The following MED17 variants were observed in gnomAD, a reference collection of about 807,000 sequenced individuals.
MED17 encodes mediator complex subunit 17.
A neutral mutation model predicts 80.8 loss-of-function variants in MED17; 49 were observed. The observed-to-expected ratio is 0.61, with a 90% CI of 0.48 to 0.77. MED17 has a LOEUF of 0.77. Ranked by LOEUF, MED17 falls within the 30% of genes least tolerant of loss-of-function variation. MED17 has a pLI of 0.00. For missense variants in MED17, 718 were observed against 787.0 expected, an observed-to-expected ratio of 0.91 and a Z score of 1.05; for synonymous variants, 281 against 280.4, an observed-to-expected ratio of 1.00 and a Z score of -0.02.
Position 93,788,345 on chromosome 11 carries a change from A to AT in MED17, c.417+179dup, listed in dbSNP as rs1191225847. 5.2e-6 allele frequency: 3 copies of AT among 578,380 alleles called. No individual in the cohort carries two copies. In the African/African-American group the frequency reaches 5.6e-5, roughly 11 times the overall value. The allele number at this position is 578,380 out of a possible 1,614,324, so 35.8% of individuals were successfully genotyped here. ...ACTGCATTTCCTTTATTTTTTTATT[A>AT]TATACCTATGATCCTTGGAAGAGTT... On this transcript the variant is annotated intron_variant, in intron 2 of 11. Coordinates refer to ENST00000251871, the MANE Select transcript of MED17 (RefSeq NM_004268.5).
At position 93,784,711 on chromosome 11, in the gene MED17, C is replaced by A. The variant is rs767685559; in HGVS notation, c.198C>A (p.Asp66Glu). ...AGGAGGCGGCGGGGACCGAGGGCGA[C>A]GCGCAGGAGTGGCCGGGCGCCGGGT... ...EEEEAAGTEG[D>E]AQEWPGAGSS... The change falls in exon 1 of 12, where the codon GAC becomes GAA. Residue 66 changes from aspartate (D) to glutamate (E), a missense_variant. Physicochemically the swap from Asp to Glu is conservative, Grantham distance 45. Coordinates refer to ENST00000251871, the MANE Select transcript of MED17 (RefSeq NM_004268.5). 6 of 1,548,338 alleles carry A rather than the reference C, an allele frequency of 3.9e-6. No individual in the cohort carries two copies. The highest frequency in any genetic ancestry group is 5.2e-6 in the Non-Finnish European group (6 of 1,148,928).
chr11:93,790,474 T>C (rs1943823082), intron 2 of MED17, 100 bp from the exon 3 acceptor site: 4 of 1,017,756 alleles, frequency 3.9e-6, no homozygotes, highest in Non-Finnish European at 6.1e-6. Flanking sequence ...TGCCCCTCCT[T>C]TTTGCTTTTT....
Position 93,812,578 on chromosome 11 carries a change from A to C in MED17, c.*514A>C, listed in dbSNP as rs1244008696. On this transcript the variant is annotated 3_prime_UTR_variant, in exon 12 of 12. Coordinates refer to ENST00000251871, the MANE Select transcript of MED17 (RefSeq NM_004268.5). ...CTCAGCCTTCCGAGTAGCTGGGACCACAGGCATGCACAACCACGCCTGGCT... is the reference window on the plus strand; with the variant it reads ...CTCAGCCTTCCGAGTAGCTGGGACCCCAGGCATGCACAACCACGCCTGGCT... 1 of 166,722 alleles carries C rather than the reference A, an allele frequency of 6.0e-6. No homozygotes were observed. The highest frequency in any genetic ancestry group is 1.7e-4 in the East Asian group (1 of 5,854). 10.3% of individuals were successfully genotyped at this position (166,722 alleles called of 1,614,324 possible).
chr11:93,797,369 A>AT, intron 7 of MED17, 166 bp from the exon 8 acceptor site: 1 of 668,144 alleles, frequency 1.5e-6, no homozygotes, highest in Non-Finnish European at 2.6e-6. Context: ...ACAGTCTTGC[A>AT]TTATGTGTGA....
At position 93,809,814 on chromosome 11, in the gene MED17, A is replaced by C. The variant is rs1418551681; in HGVS notation, c.1682A>C (p.Glu561Ala). 1 of 1,614,182 alleles carries C rather than the reference A, an allele frequency of 6.2e-7. No individual in the cohort carries two copies. The highest frequency in any genetic ancestry group is 1.1e-5 in the South Asian group (1 of 91,078). ...AATCATGTGGGACTTGGACCTATAG[A>C]GAGCATTGGTAATGCATCTGCCATC... Reference protein sequence around the residue: ...FSNHVGLGPIESIGNASAITV... With the variant: ...FSNHVGLGPIASIGNASAITV... The change falls in exon 11 of 12, where the codon GAG (glutamate) becomes GCG (alanine). Residue 561 changes from glutamate (E) to alanine (A), a missense_variant. By Grantham distance (107) the Glu-to-Ala change is moderately radical (BLOSUM62 -1). Transcript: ENST00000251871.
rs958012633 is a variant in MED17 at position 93,784,891 on chromosome 11, G to T, written c.250+128G>T. On this transcript the variant is annotated intron_variant, in intron 1 of 11. Coordinates refer to ENST00000251871, the MANE Select transcript of MED17 (RefSeq NM_004268.5). Reference sequence around the variant, plus strand: ...TTTTGAGTGTCCCTCTAGCGGAAGCGTAAGGATACTTGGTCGTCATCTTTT... The same window carrying T: ...TTTTGAGTGTCCCTCTAGCGGAAGCTTAAGGATACTTGGTCGTCATCTTTT... 25 of 1,321,384 alleles carry T rather than the reference G, an allele frequency of 1.9e-5. No homozygotes were observed. In the African/African-American group the frequency reaches 3.1e-4, roughly 16 times the overall value. The allele number at this position is 1,321,384 out of a possible 1,614,324, so 81.9% of individuals were successfully genotyped here. A position where few individuals can be genotyped will look rare whatever the true frequency, so the allele number is the denominator to read the frequency against.
At position 93,812,451 on chromosome 11, in the gene MED17, T is replaced by C. The variant is rs950483497; in HGVS notation, c.*387T>C. ...CCCCCAAATACTTTCTAAACTTTTT[T>C]TTTTTGAGATGGTATCTCACTCTGT... On this transcript the variant is annotated 3_prime_UTR_variant, in exon 12 of 12. Coordinates refer to ENST00000251871, the MANE Select transcript of MED17 (RefSeq NM_004268.5). The C allele has an allele frequency of 2.5e-6, 1 of 400,486 alleles. No homozygotes were observed. Among genetic ancestry groups the C allele is most frequent in the Admixed American group, 4.3e-5 (1 of 23,402 alleles). 24.8% of individuals were successfully genotyped at this position (400,486 alleles called of 1,614,324 possible).
Position 93,805,241 on chromosome 11 carries a change from C to T in MED17, c.1467-2277C>T, listed in dbSNP as rs140724722. 5.3e-5 allele frequency among the ~76,000 whole-genome samples: 8 copies of T among 152,242 alleles called. No individual in the cohort carries two copies. In the East Asian group the frequency reaches 1.5e-3, roughly 29 times the overall value. Reference sequence around the variant, plus strand: ...TCGAGTACCAGGAAAATAATTTGTACATACACAGGTCTATCCATTTATAGG... The same window carrying T: ...TCGAGTACCAGGAAAATAATTTGTATATACACAGGTCTATCCATTTATAGG... On this transcript the variant is annotated intron_variant, in intron 9 of 11. Coordinates refer to ENST00000251871, the MANE Select transcript of MED17 (RefSeq NM_004268.5).
At chr11:93,794,213 T>C (rs898275888) in intron 5 of MED17, 178 bp downstream of exon 5, 2 of 512,608 alleles carry the variant, frequency 3.9e-6, no homozygotes, top group Non-Finnish European at 6.9e-6. Flanking sequence ...TTTTTTTTTT[T>C]TTTTTTTTGA....
intron 2 of MED17, 58 bp downstream of exon 2, chr11:93,788,225 T>G: frequency 6.7e-7 from 1 of 1,490,402 alleles, no homozygotes; most frequent in South Asian, 1.2e-5. Flanking sequence ...CAGGACCCTT[T>G]TTTGGCTTTG....
intron 9 of MED17, 101 bp from the exon 10 acceptor site, chr11:93,807,417 A>T: frequency 2.5e-6 from 2 of 806,244 alleles, no homozygotes; most frequent in Non-Finnish European, 4.3e-6. Flanking sequence ...TTTGTCTAAA[A>T]AATAATAATA....
Position 93,812,238 on chromosome 11 carries a change from C to A in MED17, c.*174C>A. The A allele has an allele frequency of 1.5e-6, 1 of 647,756 alleles. No homozygotes were observed. The highest frequency in any genetic ancestry group is 1.9e-5 in the South Asian group (1 of 53,760). The allele number at this position is 647,756 out of a possible 1,614,324, so 40.1% of individuals were successfully genotyped here. A position where few individuals can be genotyped will look rare whatever the true frequency, so the allele number is the denominator to read the frequency against. ...CTTTTCACTTTATAAATGACAAGTG[C>A]TTTGAAATGCAGAAGTTTATGTACA... On this transcript the variant is annotated 3_prime_UTR_variant, in exon 12 of 12. Transcript: ENST00000251871.
At chr11:93,800,250 G>A (rs576042791) in intron 8 of MED17, among the ~76,000 whole-genome samples, 17 of 152,236 alleles carry the variant, frequency 1.1e-4, no homozygotes, top group Middle Eastern at 6.8e-3. Context: ...GTCTATTAAT[G>A]TAAAAGCCCC....
rs540663774 is a variant in MED17, at chr11:93,799,893, C to T, written c.1329-1942C>T. The stretch of plus-strand genomic sequence containing the variant: ...TGTGTGTGTGTCTTTAAAGAAAAAT[C>T]GGAGTTTATAAAATTTTATATCCTT... On this transcript the variant is annotated intron_variant, in intron 8 of 11. Transcript: ENST00000251871. Among the ~76,000 whole-genome samples the T allele has an allele frequency of 3.3e-5, 5 of 152,058 alleles. No homozygotes were observed. In the East Asian group the frequency reaches 7.7e-4, roughly 23 times the overall value.
chr11:93,809,573 G>T (rs1386391298), intron 10 of MED17, 144 bp from the exon 11 acceptor site: 3 of 825,100 alleles, frequency 3.6e-6, no homozygotes, highest in South Asian at 1.4e-5. Context: ...CCTAAGTTAC[G>T]CACAGGAGGA....
At chr11:93,807,406 C>A in intron 9 of MED17, 112 bp from the exon 10 acceptor site, 1 of 750,518 alleles carries the variant, frequency 1.3e-6, no homozygotes, top group Non-Finnish European at 2.3e-6. Context: ...GGCTTTGAGA[C>A]TTTGTCTAAA....
chr11:93,801,272 T>C (rs1171805458), intron 8 of MED17: 3 of 153,170 alleles, frequency 2.0e-5, no homozygotes, highest in Admixed American at 6.5e-5. Flanking sequence ...GCTCTTGTTA[T>C]AATGCATGCT....
chr11:93,797,500 T>C, intron 7 of MED17, 35 bp from the exon 8 acceptor site: 1 of 1,561,636 alleles, frequency 6.4e-7, no homozygotes, highest in Non-Finnish European at 8.8e-7. Context: ...ATTTACTATG[T>C]GGATATTGGT....
chr11:93,814,581 C>A lies in MED17; in HGVS notation c.*2517C>A, dbSNP rs1455736290. 1 of 152,172 alleles carries A rather than the reference C, an allele frequency of 6.6e-6. No individual in the cohort carries two copies. Among genetic ancestry groups the A allele is most frequent in the African/African-American group, 2.4e-5 (1 of 41,448 alleles). 9.4% of individuals were successfully genotyped at this position (152,172 alleles called of 1,614,324 possible). ...ATAGAGGTGCCTCCTCTACTAACCT[C>A]AGTGGTGATTGAGAAGTTTCAGTAA... On this transcript the variant is annotated 3_prime_UTR_variant, in exon 12 of 12. Transcript: ENST00000251871.
Sources: gnomAD v4.1 joint callset for allele counts (sites outside exome capture counted in the v4.1 genomes callset) on GRCh38, gnomAD v4.1.1 for gene constraint, MANE v1.5 for transcripts, NCBI Gene and HGNC (gene_info 2026-07-23, HGNC 2026-07-21) for gene names.